Variants in SRBD1 observed in about 807,000 individuals in gnomAD.
SRBD1 encodes S1 RNA binding domain 1, also known as S1 RNA-binding domain-containing protein 1.
Under a neutral mutation model 115.3 loss-of-function variants are expected in SRBD1, and 88 were observed. The observed-to-expected ratio is 0.76, with a 90% confidence interval of 0.64 to 0.91. The LOEUF is 0.91. SRBD1 is among the 40% of genes least tolerant of loss of function. The probability of loss-of-function intolerance (pLI) is 0.00; values close to 1 mark genes in which losing one functional copy is unlikely to be tolerated. For missense variants in SRBD1, 1,385 were observed against 1,177.4 expected, an observed-to-expected ratio of 1.18 and a Z score of -2.58; for synonymous variants, 509 against 407.7, an observed-to-expected ratio of 1.25 and a Z score of -2.99.
intron 16 of SRBD1, among the ~76,000 whole-genome samples, chr2:45,457,876 A>G (rs961068422): frequency 1.3e-5 from 2 of 152,022 alleles, no homozygotes; most frequent in African/African-American, 4.8e-5. Flanking sequence ...AAACAGTACA[A>G]ACACAATGCA....
intron 16 of SRBD1, among the ~76,000 whole-genome samples, chr2:45,443,495 TA>T (rs1485651795): frequency 6.6e-6 from 1 of 152,134 alleles, no homozygotes; most frequent in Non-Finnish European, 1.5e-5. Context: ...AGTTTTTTTC[TA>T]GACATGTTAA....
At chr2:45,479,082 A>G (rs1669885883) in intron 15 of SRBD1, among the ~76,000 whole-genome samples, 1 of 152,148 alleles carries the variant, frequency 6.6e-6, no homozygotes, top group African/African-American at 2.4e-5. Context: ...AACACCACGA[A>G]CCACACCTAT....
At chr2:45,569,065 G>A (rs961424419) in intron 9 of SRBD1, 3 of 152,012 alleles carry the variant, frequency 2.0e-5, no homozygotes, top group Non-Finnish European at 4.4e-5. Flanking sequence ...CCCTAAACAG[G>A]ACCCAACATA....
At chr2:45,608,450 T>C (rs1197127147) in intron 1 of SRBD1, among the ~76,000 whole-genome samples, 1 of 152,206 alleles carries the variant, frequency 6.6e-6, no homozygotes, top group African/African-American at 2.4e-5. Flanking sequence ...GGAGTATGTA[T>C]TCTCCAGTTT....
At chr2:45,449,416 T>G (rs1221367375) in intron 16 of SRBD1, among the ~76,000 whole-genome samples, 3 of 152,290 alleles carry the variant, frequency 2.0e-5, no homozygotes, top group Middle Eastern at 3.4e-3. Context: ...CTTCATAAAA[T>G]AAGTGATTTT....
At chr2:45,563,904 T>C (rs1278745423) in intron 9 of SRBD1, among the ~76,000 whole-genome samples, 1 of 152,148 alleles carries the variant, frequency 6.6e-6, no homozygotes, top group African/African-American at 2.4e-5. Flanking sequence ...CTTCACAAAC[T>C]TTCCAAAAGA....
chr2:45,530,007 A>T (rs551208429), intron 14 of SRBD1, among the ~76,000 whole-genome samples: 1 of 152,170 alleles, frequency 6.6e-6, no homozygotes, highest in South Asian at 2.1e-4. Flanking sequence ...CAATGATGGC[A>T]GCAGCATGGT....
intron 7 of SRBD1, among the ~76,000 whole-genome samples, chr2:45,575,782 C>G (rs1673156624): frequency 6.6e-6 from 1 of 152,146 alleles, no homozygotes; most frequent in African/African-American, 2.4e-5. Context: ...TGGCTCACTG[C>G]AACCTCTGCC....
intron 19 of SRBD1, among the ~76,000 whole-genome samples, chr2:45,408,050 G>C (rs915659448): frequency 2.0e-5 from 3 of 152,116 alleles, no homozygotes; most frequent in Non-Finnish European, 4.4e-5. Context: ...TTATGTGGGT[G>C]ATATTATGGA....
chr2:45,415,389 A>G (rs546926779), intron 18 of SRBD1, among the ~76,000 whole-genome samples: 36 of 102,888 alleles, frequency 3.5e-4, no homozygotes, highest in South Asian at 2.5e-3. Context: ...TATAGTGTGT[A>G]TATAGTATGT....
At chr2:45,523,213 C>T (rs565683193) in intron 14 of SRBD1, among the ~76,000 whole-genome samples, 6 of 147,564 alleles carry the variant, frequency 4.1e-5, no homozygotes, top group South Asian at 2.1e-4. Flanking sequence ...GTTATAAATG[C>T]CCATATTAAA....
intron 5 of SRBD1, among the ~76,000 whole-genome samples, chr2:45,585,151 GA>G (rs532306209): frequency 9.7e-4 from 134 of 137,556 alleles, no homozygotes; most frequent in Middle Eastern, 3.7e-3. Flanking sequence ...CTCTGTCTCC[GA>G]AAAAAAAAAA....
At chr2:45,396,177 A>T (rs1667141878) in intron 19 of SRBD1, among the ~76,000 whole-genome samples, 1 of 152,168 alleles carries the variant, frequency 6.6e-6, no homozygotes, top group African/African-American at 2.4e-5. Context: ...CAAGGCCATG[A>T]TGTTATTCTA....
At position 45,551,088 on chromosome 2, in the gene SRBD1, A is replaced by G. The variant is rs774758438; in HGVS notation, c.1675+37T>C. 91 of 1,561,756 alleles carry G rather than the reference A, an allele frequency of 5.8e-5. 1 individual carries two copies. The Admixed American group carries it at 2.0e-3, about 34-fold the overall frequency. ...TATGAAGTGAAACTTATAACCAACC[A>G]AACAACTTTTACATGGAAAATTGCA... On this transcript the variant is annotated intron_variant, in intron 12 of 20. Transcript: ENST00000263736.
Position 45,413,146 on chromosome 2 carries a change from A to T in SRBD1, c.2481T>A (p.Cys827Ter), listed in dbSNP as rs370283058. The change falls in exon 19 of 21, where the codon TGT (cysteine) becomes TGA (stop). Residue 827 changes from cysteine to a stop codon, truncating the protein, a stop_gained. Coordinates refer to ENST00000263736, the MANE Select transcript of SRBD1 (RefSeq NM_018079.5). LOFTEE classifies it high-confidence loss of function. ...LLKPNPLDQT[C>*]IHPESYDIAM... ...CTATGTCATATGATTCTGGATGAATACAAGTTTGGTCCAAAGGATTTGGCT... is the reference window on the plus strand; with the variant it reads ...CTATGTCATATGATTCTGGATGAATTCAAGTTTGGTCCAAAGGATTTGGCT... The T allele has an allele frequency of 1.9e-6, 3 of 1,614,072 alleles. No homozygotes were observed. The highest frequency in any genetic ancestry group is 1.7e-6 in the Non-Finnish European group (2 of 1,179,958).
intron 3 of SRBD1, among the ~76,000 whole-genome samples, chr2:45,601,128 G>C (rs567565876): frequency 6.6e-6 from 1 of 152,350 alleles, no homozygotes; most frequent in African/African-American, 2.4e-5. Context: ...GTCAGCCACT[G>C]TCTTAGCTTC....
intron 3 of SRBD1, among the ~76,000 whole-genome samples, chr2:45,600,744 G>C (rs1037382305): frequency 1.1e-4 from 17 of 152,172 alleles, no homozygotes; most frequent in African/African-American, 4.1e-4. Context: ...ATAAGATAAA[G>C]ACCCTACCCC....
At chr2:45,536,670 A>G (rs1353464237) in intron 14 of SRBD1, among the ~76,000 whole-genome samples, 3 of 152,178 alleles carry the variant, frequency 2.0e-5, no homozygotes, top group African/African-American at 7.2e-5. Context: ...GGTAAGGATC[A>G]TGGCTCATTA....
chr2:45,418,610 G>C (rs956685613), intron 17 of SRBD1, 69 bp from the exon 18 acceptor site: 6 of 1,190,086 alleles, frequency 5.0e-6, no homozygotes, highest in African/African-American at 1.6e-5. Context: ...AAAACATTTG[G>C]ATCATAAAAA....
Sources: allele counts gnomAD v4.1 joint callset (sites outside exome capture counted in the v4.1 genomes callset), GRCh38; gene constraint gnomAD v4.1.1; transcripts MANE v1.5; gene names NCBI Gene and HGNC (gene_info 2026-07-23, HGNC 2026-07-21).